Variants in GPLD1 observed in about 807,000 individuals in gnomAD.
GPLD1 encodes phosphatidylinositol-glycan-specific phospholipase D.
In GPLD1, 84 loss-of-function variants were observed where a neutral mutation model predicts 112.6. That is an observed-to-expected ratio of 0.75 (90% CI 0.63 to 0.89). GPLD1 has a LOEUF of 0.89. Among genes scored for constraint, GPLD1 ranks in the 40% least tolerant of loss-of-function variants. The pLI, the probability that GPLD1 is intolerant of heterozygous loss-of-function variation, is 0.00. For synonymous variants in GPLD1, 386 were observed against 403.8 expected (o/e 0.96, Z 0.53); for missense variants, 1,044 against 1,051.5 (o/e 0.99, Z 0.10).
At chr6:24,484,117 G>A (rs529921343) in intron 2 of GPLD1, among the ~76,000 whole-genome samples, 11 of 152,004 alleles carry the variant, frequency 7.2e-5, no homozygotes, top group South Asian at 2.1e-4. Context: ...GGGTTTCACC[G>A]TGTTAGCCAG....
At chr6:24,479,555 G>A (rs912199035) in intron 3 of GPLD1, among the ~76,000 whole-genome samples, 13 of 152,176 alleles carry the variant, frequency 8.5e-5, no homozygotes, top group African/African-American at 3.1e-4. Flanking sequence ...AAGATCACAT[G>A]CTAATATAGA....
intron 24 of GPLD1, among the ~76,000 whole-genome samples, chr6:24,429,587 A>T (rs1205131766): frequency 6.6e-6 from 1 of 152,118 alleles, no homozygotes; most frequent in East Asian, 1.9e-4. Context: ...TTGCCCTGTC[A>T]CCCAGGCTGG....
At chr6:24,454,278 T>A in intron 13 of GPLD1, 77 bp from the exon 14 acceptor site, 1 of 1,014,908 alleles carries the variant, frequency 9.9e-7, no homozygotes, top group Non-Finnish European at 1.4e-6. Flanking sequence ...CTTTCCTTTC[T>A]AGAGCCCAGT....
intron 17 of GPLD1, among the ~76,000 whole-genome samples, 190 bp from the exon 18 acceptor site, chr6:24,447,169 T>C (rs1238611953): frequency 6.6e-6 from 1 of 152,104 alleles, no homozygotes; most frequent in Non-Finnish European, 1.5e-5. Flanking sequence ...ATACAAGAAA[T>C]ACATTTCTAG....
At chr6:24,491,253 C>A (rs1016583856), upstream of GPLD1, among the ~76,000 whole-genome samples, 1 of 152,144 alleles carries the variant, frequency 6.6e-6, no homozygotes, top group Non-Finnish European at 1.5e-5. Context: ...ACAGACTGTG[C>A]GTGAGGGAGT....
At chr6:24,436,518 G>A in intron 22 of GPLD1, 58 bp downstream of exon 22, 1 of 1,444,018 alleles carries the variant, frequency 6.9e-7, no homozygotes, top group South Asian at 1.2e-5. Context: ...GAGTTAACAA[G>A]GAATCAGCAA....
rs1762924951 is a variant in GPLD1 at position 24,446,841 on chromosome 6, C to T, written c.1817G>A (p.Ser606Asn). 6.2e-7 allele frequency: 1 copy of T among 1,613,468 alleles called. No individual in the cohort carries two copies. Among genetic ancestry groups the T allele is most frequent in the East Asian group, 2.2e-5 (1 of 44,848 alleles). The part of the protein sequence containing the change: ...LVGSPTWKNA[S>N]RLGHLLHIRD... Reference sequence around the variant, plus strand: ...CAGCCCCCAGCATCAGCCTCACCTGCTGGCATTCTTCCAGGTCGGGCTCCC... The same window carrying T: ...CAGCCCCCAGCATCAGCCTCACCTGTTGGCATTCTTCCAGGTCGGGCTCCC... The change falls in exon 18 of 25, where the codon AGC (serine) becomes AAC (asparagine). Residue 606 changes from serine (S) to asparagine (N), a missense_variant. Coordinates refer to ENST00000230036, the MANE Select transcript of GPLD1 (RefSeq NM_001503.4).
At chr6:24,424,675 AGTACAGTTAG>A (rs1163280038), downstream of GPLD1, 1 of 152,238 alleles carries the variant, frequency 6.6e-6, no homozygotes, top group Non-Finnish European at 1.5e-5. Context: ...CTGGAGGTTA[AGTACAGTTAG>A]GCACTAGAAC....
chr6:24,490,199 A>G (rs1364506156), upstream of GPLD1, among the ~76,000 whole-genome samples: 1 of 152,180 alleles, frequency 6.6e-6, no homozygotes, highest in Non-Finnish European at 1.5e-5. Context: ...AAAGATGTCA[A>G]TTCCACTTGG....
At chr6:24,452,019 G>T (rs1233066965) in intron 14 of GPLD1, among the ~76,000 whole-genome samples, 1 of 152,052 alleles carries the variant, frequency 6.6e-6, no homozygotes, top group Non-Finnish European at 1.5e-5. Flanking sequence ...AACCTTCATT[G>T]TATCAATGAG....
At chr6:24,490,945 T>C (rs983974484), upstream of GPLD1, among the ~76,000 whole-genome samples, 5 of 152,198 alleles carry the variant, frequency 3.3e-5, no homozygotes, top group Non-Finnish European at 7.3e-5. Context: ...GCCTACGTGT[T>C]TTGTTTGGCT....
At position 24,428,924 on chromosome 6, in the gene GPLD1, G is replaced by A. The variant is rs566427898; in HGVS notation, c.*108C>T. 8.5e-5 allele frequency: 56 copies of A among 662,440 alleles called. No homozygotes were observed. In the East Asian group the frequency reaches 1.4e-3, roughly 16 times the overall value. The allele number at this position is 662,440 out of a possible 1,614,324, so 41.0% of individuals were successfully genotyped here. On this transcript the variant is annotated 3_prime_UTR_variant, in exon 25 of 25. Coordinates refer to ENST00000230036, the MANE Select transcript of GPLD1 (RefSeq NM_001503.4). ...CTCCCAGGAGCCCCATGTCTATCAGGATCTACCACCGCTCCACTGGATGTG... is the reference window on the plus strand; with the variant it reads ...CTCCCAGGAGCCCCATGTCTATCAGAATCTACCACCGCTCCACTGGATGTG...
chr6:24,430,952 C>G (rs930379609), intron 24 of GPLD1, among the ~76,000 whole-genome samples: 62 of 152,134 alleles, frequency 4.1e-4, no homozygotes, highest in African/African-American at 1.4e-3. Context: ...TACCACTACT[C>G]TCAACTGATG....
chr6:24,472,714 C>T, intron 6 of GPLD1, 78 bp from the exon 7 acceptor site: 2 of 797,180 alleles, frequency 2.5e-6, no homozygotes, highest in Non-Finnish European at 2.2e-6. Flanking sequence ...TGAGGTCTGA[C>T]AAGTTGGATT....
At chr6:24,485,572 C>T (rs1009644814) in intron 2 of GPLD1, among the ~76,000 whole-genome samples, 11 of 151,870 alleles carry the variant, frequency 7.2e-5, no homozygotes, top group African/African-American at 2.7e-4. Flanking sequence ...GTTCAAGTAG[C>T]ACTTGGAAGA....
At chr6:24,437,370 AC>A in intron 20 of GPLD1, 81 bp from the exon 21 acceptor site, 1 of 1,297,998 alleles carries the variant, frequency 7.7e-7, no homozygotes, top group Non-Finnish European at 1.1e-6. Context: ...TCCTCAAGTG[AC>A]ACTGATCACT....
Position 24,436,659 on chromosome 6 carries a change from A to T in GPLD1, c.2275T>A (p.Tyr759Asn). 1 of 1,613,974 alleles carries T rather than the reference A, an allele frequency of 6.2e-7. No individual in the cohort carries two copies. The highest frequency in any genetic ancestry group is 8.5e-7 in the Non-Finnish European group (1 of 1,179,888). Reference protein sequence around the residue: ...GLIGGEDGRVYVYNGKETTLG... With the variant: ...GLIGGEDGRVNVYNGKETTLG... ...GTGGTCTCTTTGCCATTATATACATATACTCGGCCGTCTTCTCCCCCAATC... is the reference window on the plus strand; with the variant it reads ...GTGGTCTCTTTGCCATTATATACATTTACTCGGCCGTCTTCTCCCCCAATC... Residue 759 changes from tyrosine (Y) to asparagine (N), a missense_variant, in exon 22 of 25, where the codon TAT becomes AAT. By Grantham distance (143) the Tyr-to-Asn change is moderately radical. Transcript: ENST00000230036.
intron 22 of GPLD1, chr6:24,435,824 CA>C (rs557127362): frequency 0.024 from 774 of 32,864 alleles, 8 homozygotes; most frequent in Non-Finnish European, 0.041. Flanking sequence ...GACGCTGTCT[CA>C]AAAAAAAAAA....
chr6:24,455,166 T>G (rs913674530), intron 13 of GPLD1, among the ~76,000 whole-genome samples: 1 of 152,218 alleles, frequency 6.6e-6, no homozygotes, highest in Non-Finnish European at 1.5e-5. Flanking sequence ...GACACTCCAG[T>G]GGACCCATTG....
Sources: gnomAD v4.1 joint callset for allele counts (sites outside exome capture counted in the v4.1 genomes callset) on GRCh38, gnomAD v4.1.1 for gene constraint, MANE v1.5 for transcripts, NCBI Gene and HGNC (gene_info 2026-07-23, HGNC 2026-07-21) for gene names.